NFATC2: variants seen among roughly 807,000 people sequenced by gnomAD.
The protein encoded by NFATC2 is nuclear factor of activated T-cells, cytoplasmic 2.
NFATC2 carries 22 observed loss-of-function variants against 87.3 expected under a neutral mutation model. That is an observed-to-expected ratio of 0.25 (90% CI 0.18 to 0.36). The LOEUF (loss-of-function observed/expected upper bound fraction) is 0.36. Among genes scored for constraint, NFATC2 ranks in the 10% least tolerant of loss-of-function variants. NFATC2 has a pLI of 1.00. For missense variants in NFATC2, 1,149 were observed against 1,259.1 expected, an observed-to-expected ratio of 0.91 and a Z score of 1.32; for synonymous variants, 565 against 542.2, an observed-to-expected ratio of 1.04 and a Z score of -0.58.
chr20:51,417,578 G>A (rs1738513106), intron 9 of NFATC2, among the ~76,000 whole-genome samples: 1 of 152,116 alleles, frequency 6.6e-6, no homozygotes, highest in South Asian at 2.1e-4. Flanking sequence ...TTGAAGTTAT[G>A]CCCGTCCCCA....
chr20:51,485,090 A>G (rs1989595630), intron 3 of NFATC2, among the ~76,000 whole-genome samples: 1 of 152,234 alleles, frequency 6.6e-6, no homozygotes, highest in South Asian at 2.1e-4. Flanking sequence ...ACGCTCACTC[A>G]AGAGAGACTT....
At chr20:51,442,625 C>G (rs967348986) in intron 6 of NFATC2, among the ~76,000 whole-genome samples, 1 of 152,026 alleles carries the variant, frequency 6.6e-6, no homozygotes, top group Admixed American at 6.6e-5. Context: ...GACCTTCATG[C>G]CTTTCTTCAC....
intron 2 of NFATC2, among the ~76,000 whole-genome samples, chr20:51,518,882 CCTCAAACTCCTGGG>C (rs535299806): frequency 4.5e-4 from 69 of 152,196 alleles, no homozygotes; most frequent in Non-Finnish European, 7.4e-4. Context: ...CTCACTGTAG[CCTCAAACTCCTGGG>C]CTCAAACTAT....
chr20:51,495,115 C>G (rs753298963), intron 3 of NFATC2, among the ~76,000 whole-genome samples: 4 of 152,266 alleles, frequency 2.6e-5, no homozygotes, highest in South Asian at 2.1e-4. Flanking sequence ...AGACAGCTTC[C>G]CACTCATCAC....
intron 1 of NFATC2, among the ~76,000 whole-genome samples, chr20:51,525,136 C>A (rs2076523085): frequency 6.6e-6 from 1 of 152,208 alleles, no homozygotes; most frequent in South Asian, 2.1e-4. Flanking sequence ...ACAAGAATCG[C>A]TTAAAACCAG....
chr20:51,410,633 G>A (rs528220402), intron 9 of NFATC2, among the ~76,000 whole-genome samples: 1 of 152,164 alleles, frequency 6.6e-6, no homozygotes, highest in Non-Finnish European at 1.5e-5. Context: ...GGAAGGCAGT[G>A]GGGAAGGGAT....
At chr20:51,431,174 A>C (rs1982649985) in intron 9 of NFATC2, among the ~76,000 whole-genome samples, 1 of 152,150 alleles carries the variant, frequency 6.6e-6, no homozygotes, top group Non-Finnish European at 1.5e-5. Context: ...TCCACAAAAA[A>C]TTTTAAAAGA....
chr20:51,472,794 C>A (rs989321132), intron 5 of NFATC2, among the ~76,000 whole-genome samples: 1 of 151,992 alleles, frequency 6.6e-6, no homozygotes, highest in Non-Finnish European at 1.5e-5. Context: ...TACCACCACA[C>A]CCGGCTAATT....
chr20:51,405,824 G>T (rs1988509014), intron 9 of NFATC2, among the ~76,000 whole-genome samples: 1 of 152,226 alleles, frequency 6.6e-6, no homozygotes, highest in Admixed American at 6.5e-5. Flanking sequence ...TTCCGATCAG[G>T]TCTGGCTTTC....
intron 10 of NFATC2, among the ~76,000 whole-genome samples, chr20:51,395,686 T>TTAAG (rs10670548): frequency 0.48 from 72,491 of 151,444 alleles, 18,497 homozygotes; most frequent in African/African-American, 0.68. Context: ...TGAACCGATC[T>TTAAG]TATGTAAAAA....
intron 1 of NFATC2, among the ~76,000 whole-genome samples, chr20:51,555,154 A>C (rs1163819311): frequency 6.6e-6 from 1 of 152,152 alleles, no homozygotes; most frequent in Non-Finnish European, 1.5e-5. Flanking sequence ...CCTGCCTAGC[A>C]TTCACTCTTA....
At chr20:51,518,448 T>C (rs1343219247) in intron 2 of NFATC2, among the ~76,000 whole-genome samples, 1 of 152,170 alleles carries the variant, frequency 6.6e-6, no homozygotes, top group Non-Finnish European at 1.5e-5. Context: ...GAGTCCAACT[T>C]AAACATTTCA....
At chr20:51,415,849 G>A (rs951101062) in intron 9 of NFATC2, among the ~76,000 whole-genome samples, 1 of 151,788 alleles carries the variant, frequency 6.6e-6, no homozygotes, top group Non-Finnish European at 1.5e-5. Context: ...TGCCAATGTT[G>A]TCAGTCTCAC....
chr20:51,423,838 T>A (rs1981340726), intron 9 of NFATC2, among the ~76,000 whole-genome samples: 1 of 152,192 alleles, frequency 6.6e-6, no homozygotes, highest in South Asian at 2.1e-4. Flanking sequence ...GACTTTCTTG[T>A]GGTTTGGTGG....
rs1292706426 is a variant in NFATC2, at chr20:51,480,980, G to T, written c.1333-5320C>A. Among the ~76,000 whole-genome samples the T allele has an allele frequency of 6.6e-6, 1 of 152,178 alleles. No individual in the cohort carries two copies. The highest frequency in any genetic ancestry group is 2.4e-5 in the African/African-American group (1 of 41,450). The stretch of plus-strand genomic sequence containing the variant: ...GCACTAATTGCAGTCTTCTCAGTGG[G>T]CTGGCTCAACAGTTGCCGGCTTGGA... On this transcript the variant is annotated intron_variant, in intron 3 of 10. Transcript: ENST00000371564. The surrounding 1 kb of genome is among the most constrained non-coding windows in gnomAD (Gnocchi z 4.2).
At position 51,397,345 on chromosome 20, in the gene NFATC2, C is replaced by T. The variant is rs543151126; in HGVS notation, c.*44+1298G>A. Reference sequence around the variant, plus strand: ...GGCTCAGTGAAAAGAACATAAAACCCTCAATAGGACCCTCAATAGGACTGT... The same window carrying T: ...GGCTCAGTGAAAAGAACATAAAACCTTCAATAGGACCCTCAATAGGACTGT... On this transcript the variant is annotated intron_variant, in intron 10 of 10. Coordinates refer to ENST00000371564, the MANE Select transcript of NFATC2 (RefSeq NM_012340.5). Among the ~76,000 whole-genome samples, 8 of 149,388 alleles carry T rather than the reference C, an allele frequency of 5.4e-5. No individual in the cohort carries two copies. The South Asian group carries it at 1.5e-3, about 27-fold the overall frequency.
intron 5 of NFATC2, among the ~76,000 whole-genome samples, chr20:51,459,878 C>CA (rs925387621): frequency 1.4e-4 from 21 of 151,866 alleles, no homozygotes; most frequent in African/African-American, 4.6e-4. Context: ...GACTTCATCT[C>CA]AAAAAAACAA....
intron 1 of NFATC2, among the ~76,000 whole-genome samples, chr20:51,532,273 T>G (rs2076645802): frequency 6.6e-6 from 1 of 152,052 alleles, no homozygotes; most frequent in Non-Finnish European, 1.5e-5. Context: ...GTCACACAGC[T>G]TCTAAGTAGC....
chr20:51,479,456 A>G (rs2146533392), intron 3 of NFATC2, among the ~76,000 whole-genome samples: 1 of 152,244 alleles, frequency 6.6e-6, no homozygotes, highest in East Asian at 1.9e-4. Flanking sequence ...GTCTCCACCA[A>G]AAAAATGCAA....
Sources: allele counts gnomAD v4.1 joint callset (sites outside exome capture counted in the v4.1 genomes callset), GRCh38; gene constraint gnomAD v4.1.1; non-coding constraint Gnocchi (gnomAD v3.1); transcripts MANE v1.5; gene names NCBI Gene and HGNC (gene_info 2026-07-23, HGNC 2026-07-21).